The following SMOC1 variants were observed in gnomAD, a reference collection of about 807,000 sequenced individuals.
SMOC1 encodes SPARC-related modular calcium-binding protein 1.
SMOC1 carries 22 observed loss-of-function variants against 56.3 expected under a neutral mutation model. The observed-to-expected ratio is 0.39, with a 90% CI of 0.28 to 0.56. The LOEUF (loss-of-function observed/expected upper bound fraction) is 0.56, where lower values mean the gene tolerates loss of function less well. SMOC1 is among the 20% of genes least tolerant of loss of function. The pLI, the probability that SMOC1 is intolerant of heterozygous loss-of-function variation, is 0.61. For missense variants in SMOC1, 509 were observed against 565.4 expected (o/e 0.90, Z 1.01); for synonymous variants, 193 against 215.0 (o/e 0.90, Z 0.89).
chr14:69,939,284 T>C (rs768753670), intron 1 of SMOC1, among the ~76,000 whole-genome samples: 2 of 152,212 alleles, frequency 1.3e-5, no homozygotes, highest in Non-Finnish European at 2.9e-5. Context: ...ATATCTTACA[T>C]GGCAGCAGGC....
chr14:69,917,011 G>T (rs867766838), intron 1 of SMOC1, among the ~76,000 whole-genome samples: 6 of 152,132 alleles, frequency 3.9e-5, no homozygotes, highest in Admixed American at 6.5e-5. Context: ...ATACGGTGGT[G>T]GTTTTCATAC....
At chr14:69,882,290 G>A (rs1350452107) in intron 1 of SMOC1, among the ~76,000 whole-genome samples, 1 of 152,182 alleles carries the variant, frequency 6.6e-6, no homozygotes, top group African/African-American at 2.4e-5. Context: ...TCTTTTGAGT[G>A]ACAGAGGCTT....
chr14:69,920,839 G>A lies in SMOC1; in HGVS notation c.100-31299G>A, dbSNP rs138940879. ...GGAAGAGGACTTGCCCAGTGAAGAG[G>A]GAGGGAGGCGTTCTAGGCAGAGGGC... On this transcript the variant is annotated intron_variant, in intron 1 of 11. Coordinates refer to ENST00000361956, the MANE Select transcript of SMOC1 (RefSeq NM_001034852.3). Among the ~76,000 whole-genome samples, 312 of 152,310 alleles carry A rather than the reference G, an allele frequency of 2.0e-3. 1 individual carries two copies. The highest frequency in any genetic ancestry group is 7.0e-3 in the African/African-American group (292 of 41,570).
chr14:69,984,540 A>G (rs888232894), intron 5 of SMOC1, among the ~76,000 whole-genome samples: 2 of 152,172 alleles, frequency 1.3e-5, no homozygotes, highest in African/African-American at 4.8e-5. Flanking sequence ...CAGCTAAAAA[A>G]CAGTTTAATT....
chr14:69,916,504 C>T (rs1404267125), intron 1 of SMOC1, among the ~76,000 whole-genome samples: 4 of 152,226 alleles, frequency 2.6e-5, no homozygotes, highest in Non-Finnish European at 5.9e-5. Flanking sequence ...GGCTTCCAGG[C>T]CCCATGTAAT....
At chr14:69,977,010 G>A (rs1883985763) in intron 4 of SMOC1, among the ~76,000 whole-genome samples, 1 of 152,190 alleles carries the variant, frequency 6.6e-6, no homozygotes, top group South Asian at 2.1e-4. Flanking sequence ...GTTGGGGTAG[G>A]GAGGTACAGG....
At chr14:69,971,304 C>T (rs747798602) in intron 3 of SMOC1, among the ~76,000 whole-genome samples, 3 of 152,206 alleles carry the variant, frequency 2.0e-5, no homozygotes, top group Admixed American at 1.3e-4. Context: ...AGGCATGAGC[C>T]ACCGCACCTG....
At chr14:69,955,674 A>G (rs572128855) in intron 3 of SMOC1, among the ~76,000 whole-genome samples, 1 of 136,292 alleles carries the variant, frequency 7.3e-6, no homozygotes. Flanking sequence ...TGTCGATACC[A>G]CTATACCGCT....
At chr14:69,909,439 A>G (rs1418527363) in intron 1 of SMOC1, among the ~76,000 whole-genome samples, 1 of 152,084 alleles carries the variant, frequency 6.6e-6, no homozygotes, top group Non-Finnish European at 1.5e-5. Flanking sequence ...CTTTGAGTTT[A>G]CAGGCAGGTA....
At chr14:69,943,604 C>G (rs754283513) in intron 1 of SMOC1, among the ~76,000 whole-genome samples, 3 of 152,220 alleles carry the variant, frequency 2.0e-5, no homozygotes, top group Non-Finnish European at 4.4e-5. Context: ...GAGCAAGCGG[C>G]TGAGCCGCAG....
chr14:69,929,784 T>A (rs1307576523), intron 1 of SMOC1, among the ~76,000 whole-genome samples: 2 of 152,172 alleles, frequency 1.3e-5, no homozygotes, highest in African/African-American at 4.8e-5. Context: ...TGCTTCTTAC[T>A]GGTAATTGGG....
At chr14:69,977,894 T>C (rs1011573047) in intron 4 of SMOC1, 24 bp from the exon 5 acceptor site, 2 of 1,611,924 alleles carry the variant, frequency 1.2e-6, no homozygotes, top group African/African-American at 1.3e-5. Context: ...AGTGGCTATG[T>C]TTTTGTTTCC....
chr14:69,964,987 G>A (rs1883515000), intron 3 of SMOC1, among the ~76,000 whole-genome samples: 1 of 152,158 alleles, frequency 6.6e-6, no homozygotes, highest in Non-Finnish European at 1.5e-5. Flanking sequence ...CCAGACTAGG[G>A]CATATTCAGG....
chr14:70,024,952 G>C (rs1207968614), intron 11 of SMOC1, among the ~76,000 whole-genome samples: 2 of 152,202 alleles, frequency 1.3e-5, no homozygotes, highest in African/African-American at 4.8e-5. Context: ...GGAGGGCCAA[G>C]TTATGAAAAC....
chr14:69,965,936 A>G (rs138643649), intron 3 of SMOC1, among the ~76,000 whole-genome samples: 1 of 152,336 alleles, frequency 6.6e-6, no homozygotes, highest in Non-Finnish European at 1.5e-5. Context: ...CTCTTCTGCA[A>G]AATTGAAGGG....
intron 1 of SMOC1, among the ~76,000 whole-genome samples, chr14:69,924,660 A>T (rs1884942828): frequency 6.9e-6 from 1 of 144,988 alleles, no homozygotes; most frequent in Non-Finnish European, 1.5e-5. Context: ...TAGGGGAGGT[A>T]GGGGAGCTAG....
At chr14:69,903,283 G>A (rs1884305145) in intron 1 of SMOC1, among the ~76,000 whole-genome samples, 1 of 151,696 alleles carries the variant, frequency 6.6e-6, no homozygotes, top group Non-Finnish European at 1.5e-5. Flanking sequence ...CCCTCTGGGA[G>A]GTGAGAAGCG....
intron 1 of SMOC1, among the ~76,000 whole-genome samples, chr14:69,931,707 A>G (rs1361114538): frequency 2.0e-5 from 3 of 152,218 alleles, no homozygotes; most frequent in Non-Finnish European, 4.4e-5. Context: ...CACAATTATG[A>G]AAAATAAGAG....
At chr14:70,021,780 G>A (rs28722118) in intron 10 of SMOC1, among the ~76,000 whole-genome samples, 5,919 of 152,248 alleles carry the variant, frequency 0.039, 139 homozygotes, top group Non-Finnish European at 0.044. Flanking sequence ...TGGAAGAGGA[G>A]GGAGTTTGCT....
Sources: gnomAD v4.1 joint callset for allele counts (sites outside exome capture counted in the v4.1 genomes callset) on GRCh38, gnomAD v4.1.1 for gene constraint, MANE v1.5 for transcripts, NCBI Gene and HGNC (gene_info 2026-07-23, HGNC 2026-07-21) for gene names.